The following TCF12 variants were observed in gnomAD, a reference collection of about 807,000 sequenced individuals.
TCF12 encodes DNA-binding protein HTF4.
TCF12 carries 45 observed loss-of-function variants against 86.0 expected under a neutral mutation model. The ratio of observed to expected loss-of-function variants is 0.52; its 90% CI spans 0.41 to 0.67. The LOEUF is 0.67. TCF12 is among the 30% of genes least tolerant of loss of function. The probability of loss-of-function intolerance (pLI) is 0.00; values close to 1 mark genes in which losing one functional copy is unlikely to be tolerated. For missense variants in TCF12, 881 were observed against 859.9 expected (o/e 1.02, Z -0.31); for synonymous variants, 330 against 299.6 (o/e 1.10, Z -1.05).
intron 5 of TCF12, among the ~76,000 whole-genome samples, chr15:57,141,443 A>G (rs1334754967): frequency 2.6e-5 from 4 of 152,154 alleles, no homozygotes; most frequent in Non-Finnish European, 5.9e-5. Context: ...TCTGCCTCCC[A>G]GGTTCAAGTG....
intron 6 of TCF12, among the ~76,000 whole-genome samples, chr15:57,168,672 A>G (rs929766831): frequency 1.3e-5 from 2 of 152,180 alleles, no homozygotes; most frequent in Admixed American, 1.3e-4. Flanking sequence ...TCTTGGCTAT[A>G]GTACTCATTT....
intron 18 of TCF12, among the ~76,000 whole-genome samples, chr15:57,268,539 C>T (rs1264828826): frequency 6.6e-6 from 1 of 152,114 alleles, no homozygotes; most frequent in Admixed American, 6.5e-5. Context: ...AAGCACGAGC[C>T]ACCATGCCTG....
At chr15:57,094,294 A>G (rs2049176815) in intron 5 of TCF12, among the ~76,000 whole-genome samples, 1 of 152,232 alleles carries the variant, frequency 6.6e-6, no homozygotes, top group Non-Finnish European at 1.5e-5. Flanking sequence ...GATAGGTTCA[A>G]AAGAAATTCA....
chr15:56,938,424 G>A (rs1174334618), intron 3 of TCF12, among the ~76,000 whole-genome samples: 1 of 152,092 alleles, frequency 6.6e-6, no homozygotes, highest in African/African-American at 2.4e-5. Flanking sequence ...CTCCCAAAGT[G>A]TTGGGATTAC....
At chr15:57,026,752 C>T (rs1349075268) in intron 3 of TCF12, among the ~76,000 whole-genome samples, 2 of 151,854 alleles carry the variant, frequency 1.3e-5, no homozygotes, top group Non-Finnish European at 2.9e-5. Flanking sequence ...ATATAACATA[C>T]ATACAGTCAT....
chr15:57,279,169 A>T (rs2061565298), intron 19 of TCF12, among the ~76,000 whole-genome samples: 1 of 151,372 alleles, frequency 6.6e-6, no homozygotes, highest in African/African-American at 2.4e-5. Context: ...TAATTTTTAA[A>T]TTTTTGTAGA....
At chr15:56,985,677 G>GTATA (rs1378098433) in intron 3 of TCF12, among the ~76,000 whole-genome samples, 1 of 152,108 alleles carries the variant, frequency 6.6e-6, no homozygotes, top group Non-Finnish European at 1.5e-5. Flanking sequence ...GGTCCTTAGA[G>GTATA]TATATCATTA....
chr15:57,147,275 A>T (rs1181771142), intron 5 of TCF12, among the ~76,000 whole-genome samples: 1 of 152,224 alleles, frequency 6.6e-6, no homozygotes, highest in Non-Finnish European at 1.5e-5. Flanking sequence ...TAGAAAGTTT[A>T]ATTCCAGTAA....
intron 3 of TCF12, among the ~76,000 whole-genome samples, chr15:56,956,601 C>A (rs551894347): frequency 7.2e-4 from 109 of 152,172 alleles, no homozygotes; most frequent in African/African-American, 2.6e-3. Flanking sequence ...TCAGCTTTTT[C>A]ATGTCTGAAA....
intron 4 of TCF12, among the ~76,000 whole-genome samples, chr15:57,078,696 G>A (rs1346281042): frequency 1.3e-5 from 2 of 152,138 alleles, no homozygotes; most frequent in African/African-American, 4.8e-5. Context: ...GAGTGTTGAA[G>A]GAGAAAATGG....
chr15:57,177,404 G>C (rs1442513279), intron 6 of TCF12, among the ~76,000 whole-genome samples: 3 of 151,458 alleles, frequency 2.0e-5, no homozygotes, highest in Non-Finnish European at 2.9e-5. Context: ...TGAGTAGCTC[G>C]GATTACAGGT....
At chr15:57,161,421 A>G (rs998170157) in intron 5 of TCF12, among the ~76,000 whole-genome samples, 11 of 152,200 alleles carry the variant, frequency 7.2e-5, no homozygotes, top group South Asian at 2.1e-4. Flanking sequence ...ATTATCTGTC[A>G]TTTCTTGAGC....
At chr15:57,116,252 C>G (rs1384561195) in intron 5 of TCF12, among the ~76,000 whole-genome samples, 7 of 152,130 alleles carry the variant, frequency 4.6e-5, no homozygotes, top group African/African-American at 1.4e-4. Flanking sequence ...CACAGGTAAC[C>G]AATAAACTTT....
chr15:56,950,397 T>C (rs1289907370), intron 3 of TCF12, among the ~76,000 whole-genome samples: 1 of 152,084 alleles, frequency 6.6e-6, no homozygotes, highest in Non-Finnish European at 1.5e-5. Context: ...AGTTAATTTT[T>C]GCATTTTTAG....
At chr15:56,989,380 CTG>C (rs2063337796) in intron 3 of TCF12, among the ~76,000 whole-genome samples, 1 of 152,258 alleles carries the variant, frequency 6.6e-6, no homozygotes, top group Non-Finnish European at 1.5e-5. Context: ...AAAGGAAAAA[CTG>C]TGTTCTCCTA....
chr15:57,181,605 T>C (rs1162520981), intron 6 of TCF12, among the ~76,000 whole-genome samples: 1 of 152,226 alleles, frequency 6.6e-6, no homozygotes, highest in Admixed American at 6.5e-5. Context: ...TCATTTACTT[T>C]TTGTTTATTA....
At chr15:57,246,167 T>C (rs1391942693) in intron 13 of TCF12, among the ~76,000 whole-genome samples, 2 of 152,094 alleles carry the variant, frequency 1.3e-5, no homozygotes, top group Non-Finnish European at 1.5e-5. Context: ...CTTGCCCTAT[T>C]CCTTATGTTT....
chr15:57,098,774 G>A (rs1392848364), intron 5 of TCF12, among the ~76,000 whole-genome samples: 2 of 152,178 alleles, frequency 1.3e-5, no homozygotes, highest in Non-Finnish European at 2.9e-5. Context: ...ACAAAAAGTG[G>A]TGTTTATTAA....
At chr15:57,102,124 A>G (rs1407301362) in intron 5 of TCF12, among the ~76,000 whole-genome samples, 1 of 149,422 alleles carries the variant, frequency 6.7e-6, no homozygotes, top group Non-Finnish European at 1.5e-5. Flanking sequence ...CCATAAACAT[A>G]TAACTACTTA....
Sources: gnomAD v4.1 joint callset for allele counts (sites outside exome capture counted in the v4.1 genomes callset) on GRCh38, gnomAD v4.1.1 for gene constraint, MANE v1.5 for transcripts, NCBI Gene and HGNC (gene_info 2026-07-23, HGNC 2026-07-21) for gene names.